Variants in NAV3 observed in about 807,000 individuals in gnomAD.
NAV3 encodes neuron navigator 3, also known as pore membrane and/or filament interacting like protein 1.
Under a neutral mutation model 244.7 loss-of-function variants are expected in NAV3, and 87 were observed. That is an observed-to-expected ratio of 0.36 (90% confidence interval 0.30 to 0.42). The LOEUF is 0.42. NAV3 is among the 20% of genes least tolerant of loss of function. The pLI, the probability that NAV3 is intolerant of heterozygous loss-of-function variation, is 1.00. For synonymous variants in NAV3, 1,126 were observed against 1,042.2 expected (o/e 1.08, Z -1.55); for missense variants, 2,663 against 2,893.3 (o/e 0.92, Z 1.83).
At chr12:77,723,444 C>A (rs1876731425) in intron 2 of NAV3, among the ~76,000 whole-genome samples, 1 of 151,912 alleles carries the variant, frequency 6.6e-6, no homozygotes, top group South Asian at 2.1e-4. Context: ...TACATGGAGC[C>A]ACTGAGCAGA....
At chr12:77,649,720 G>A (rs11836422) in intron 2 of NAV3, among the ~76,000 whole-genome samples, 12,496 of 152,074 alleles carry the variant, frequency 0.082, 1,155 homozygotes, top group African/African-American at 0.23. Flanking sequence ...ACAAATATAA[G>A]ATCATTTTGC....
chr12:78,134,457 T>A (rs769049818), intron 18 of NAV3, among the ~76,000 whole-genome samples: 1 of 152,238 alleles, frequency 6.6e-6, no homozygotes, highest in South Asian at 2.1e-4. Context: ...TTCCTAGTTA[T>A]ATATATCCAG....
chr12:77,649,331 G>T (rs979425112), intron 2 of NAV3, among the ~76,000 whole-genome samples: 7 of 152,048 alleles, frequency 4.6e-5, no homozygotes, highest in African/African-American at 1.7e-4. Flanking sequence ...TTTCTATATA[G>T]ATTTTTAGTA....
At chr12:78,043,970 A>G (rs957909042) in intron 9 of NAV3, among the ~76,000 whole-genome samples, 10 of 152,100 alleles carry the variant, frequency 6.6e-5, no homozygotes, top group African/African-American at 1.2e-4. Flanking sequence ...TTTTGTTGCC[A>G]TTGCTTTTGG....
chr12:78,070,868 C>A (rs1952725249), intron 12 of NAV3, among the ~76,000 whole-genome samples: 1 of 149,114 alleles, frequency 6.7e-6, no homozygotes, highest in African/African-American at 2.5e-5. Context: ...CATGTCCCTA[C>A]AAAGGACATG....
Position 77,691,340 on chromosome 12 carries a change from TATATATATATATATAC to T in NAV3, c.72+119079_72+119094del, listed in dbSNP as rs1875014239. The stretch of plus-strand genomic sequence containing the variant: ...ATATAAGTATTTGTGTATGTGTGTA[TATATATATATATATAC>T]ATATCCATTCTTGTACTTTTTCTGC... On this transcript the variant is annotated intron_variant, in intron 2 of 8. Transcript: ENST00000550042. Among the ~76,000 whole-genome samples the T allele has an allele frequency of 3.1e-5, 4 of 128,712 alleles. 1 individual carries two copies. Among genetic ancestry groups the T allele is most frequent in the Admixed American group, 1.6e-4 (2 of 12,840 alleles). The allele number at this position is 128,712 out of a possible 152,430, so 84.4% of individuals were successfully genotyped here. A position where few individuals can be genotyped will look rare whatever the true frequency, so the allele number is the denominator to read the frequency against.
At chr12:78,014,004 A>C (rs1387916237) in intron 8 of NAV3, among the ~76,000 whole-genome samples, 1 of 152,024 alleles carries the variant, frequency 6.6e-6, no homozygotes, top group Admixed American at 6.6e-5. Context: ...GACTTTCAAA[A>C]AATACCTCCC....
chr12:77,672,155 T>C (rs1219799401), intron 2 of NAV3, among the ~76,000 whole-genome samples: 1 of 151,990 alleles, frequency 6.6e-6, no homozygotes, highest in African/African-American at 2.4e-5. Flanking sequence ...ATATGAAAAA[T>C]GCTCAACATC....
At chr12:77,744,290 CAAT>C (rs987774571) in intron 2 of NAV3, among the ~76,000 whole-genome samples, 3 of 151,914 alleles carry the variant, frequency 2.0e-5, no homozygotes, top group African/African-American at 4.8e-5. Context: ...TGATTTTTGA[CAAT>C]GATGCCAAGG....
At chr12:78,128,954 G>C (rs550695773) in intron 18 of NAV3, 88 bp downstream of exon 18, 1 of 1,268,090 alleles carries the variant, frequency 7.9e-7, no homozygotes, top group Non-Finnish European at 1.1e-6. Context: ...AACACAACAC[G>C]TTTTCATTTA....
chr12:78,116,988 A>G, intron 13 of NAV3, 84 bp downstream of exon 13: 1 of 1,441,454 alleles, frequency 6.9e-7, no homozygotes, highest in Non-Finnish European at 9.4e-7. Flanking sequence ...GGTATAGCAC[A>G]AGCCCTTAAT....
In NAV3 at chr12:77,882,941, G is replaced by A. The variant is rs111637081; in HGVS notation, c.243+51237G>A. On this transcript the variant is annotated intron_variant, in intron 1 of 39. Coordinates refer to ENST00000397909, the MANE Select transcript of NAV3 (RefSeq NM_001024383.2). Reference sequence around the variant, plus strand: ...AAAGTCAAAAAACCACAGGTGCTAGGCTAGTGAGGCAGCAGAGAAAAGGAA... The same window carrying A: ...AAAGTCAAAAAACCACAGGTGCTAGACTAGTGAGGCAGCAGAGAAAAGGAA... Among the ~76,000 whole-genome samples the A allele has an allele frequency of 4.5e-3, 681 of 152,130 alleles. 5 individuals carry two copies. Among genetic ancestry groups the A allele is most frequent in the African/African-American group, 0.015 (643 of 41,540 alleles).
intron 1 of NAV3, among the ~76,000 whole-genome samples, chr12:77,833,222 T>C (rs1874023043): frequency 6.6e-6 from 1 of 152,250 alleles, no homozygotes; most frequent in Non-Finnish European, 1.5e-5. Context: ...TGAAAACATA[T>C]AGAAGGCAGG....
At chr12:77,595,286 CCAAA>C (rs1870117208) in intron 2 of NAV3, among the ~76,000 whole-genome samples, 1 of 151,916 alleles carries the variant, frequency 6.6e-6, no homozygotes, top group African/African-American at 2.4e-5. Context: ...GTGCAATAAG[CCAAA>C]CAGAGAAAGA....
chr12:77,848,390 C>G (rs1366300739), intron 1 of NAV3, among the ~76,000 whole-genome samples: 2 of 152,166 alleles, frequency 1.3e-5, no homozygotes, highest in Non-Finnish European at 2.9e-5. Flanking sequence ...CAAGACTGCT[C>G]TGGGTTAAGG....
At chr12:77,953,583 C>T (rs1298052884) in intron 3 of NAV3, among the ~76,000 whole-genome samples, 3 of 152,104 alleles carry the variant, frequency 2.0e-5, no homozygotes, top group Admixed American at 6.6e-5. Context: ...TAAACAAAAA[C>T]CGAAGAGCAA....
Position 77,696,266 on chromosome 12 carries a change from A to G in NAV3, c.72+124000A>G, listed in dbSNP as rs149891318. 3.4e-3 allele frequency among the ~76,000 whole-genome samples: 525 copies of G among 152,230 alleles called. 1 individual carries two copies. The highest frequency in any genetic ancestry group is 5.7e-3 in the Non-Finnish European group (386 of 67,988). Reference sequence around the variant, plus strand: ...GCAAAGGGGACAGTATGCTATTTCTATGATTAGGTTACATAAGACTGTGAC... The same window carrying G: ...GCAAAGGGGACAGTATGCTATTTCTGTGATTAGGTTACATAAGACTGTGAC... On this transcript the variant is annotated intron_variant, in intron 2 of 8. Transcript: ENST00000550042.
intron 8 of NAV3, among the ~76,000 whole-genome samples, chr12:78,014,307 G>A (rs1256015748): frequency 1.3e-5 from 2 of 152,012 alleles, no homozygotes; most frequent in Non-Finnish European, 2.9e-5. Context: ...AACATGAAGA[G>A]GCAAAGAGAG....
chr12:77,761,822 G>C (rs1869482622), intron 2 of NAV3, among the ~76,000 whole-genome samples: 1 of 152,134 alleles, frequency 6.6e-6, no homozygotes, highest in African/African-American at 2.4e-5. Context: ...CTTTTACACT[G>C]TTTGTAGGAG....
Sources: gnomAD v4.1 joint callset for allele counts (sites outside exome capture counted in the v4.1 genomes callset) on GRCh38, gnomAD v4.1.1 for gene constraint, MANE v1.5 for transcripts, NCBI Gene and HGNC (gene_info 2026-07-23, HGNC 2026-07-21) for gene names.